NUMBL: variants seen among roughly 807,000 people sequenced by gnomAD.
The protein encoded by NUMBL is numb-like protein.
NUMBL carries 20 observed loss-of-function variants against 48.9 expected under a neutral mutation model. The ratio of observed to expected loss-of-function variants is 0.41; its 90% confidence interval spans 0.29 to 0.59. The LOEUF (loss-of-function observed/expected upper bound fraction) is 0.59, where lower values mean the gene tolerates loss of function less well. NUMBL is among the 20% of genes least tolerant of loss of function. The pLI, the probability that NUMBL is intolerant of heterozygous loss-of-function variation, is 0.31. For synonymous variants in NUMBL, 340 were observed against 348.7 expected (o/e 0.98, Z 0.28); for missense variants, 660 against 846.2 (o/e 0.78, Z 2.73).
chr19:40,689,082 T>C (rs1382669934), intron 1 of NUMBL, among the ~76,000 whole-genome samples: 2 of 152,038 alleles, frequency 1.3e-5, no homozygotes, highest in Non-Finnish European at 2.9e-5. Flanking sequence ...ACTATAAACA[T>C]TGTCAGTCAC....
intron 8 of NUMBL, among the ~76,000 whole-genome samples, chr19:40,670,741 C>T (rs992311829): frequency 2.0e-5 from 3 of 152,132 alleles, no homozygotes; most frequent in Admixed American, 6.6e-5. Context: ...CAGCCAATGT[C>T]GACAATGATT....
In NUMBL at chr19:40,667,619, G is replaced by T; in HGVS notation, c.1679C>A (p.Ala560Asp). 1 of 1,554,728 alleles carries T rather than the reference G, an allele frequency of 6.4e-7. No individual in the cohort carries two copies. The highest frequency in any genetic ancestry group is 8.7e-7 in the Non-Finnish European group (1 of 1,149,360). Reference protein sequence around the residue: ...GSQARPRPNGAPWPPEPAPAP... With the variant: ...GSQARPRPNGDPWPPEPAPAP... ...AGGCGCTGGCTCAGGGGGCCAGGGG[G>T]CCCCATTGGGGCGAGGGCGGGCCTG... is the stretch of plus-strand genomic sequence containing the variant. The change falls in exon 10 of 10, where the codon GCC becomes GAC. Residue 560 changes from alanine to aspartate, a missense_variant. Coordinates refer to ENST00000252891, the MANE Select transcript of NUMBL (RefSeq NM_004756.5). This position sits in a 1 kb window ranked among gnomAD's most constrained non-coding sequence, Gnocchi z 6.1.
At chr19:40,680,217 C>T (rs528511311) in intron 6 of NUMBL, among the ~76,000 whole-genome samples, 20 of 151,876 alleles carry the variant, frequency 1.3e-4, no homozygotes, top group Non-Finnish European at 2.5e-4. Context: ...CTGCAACCTC[C>T]GTCTCCAGGG....
intron 8 of NUMBL, 48 bp from the exon 9 acceptor site, chr19:40,670,068 C>A: frequency 6.3e-7 from 1 of 1,591,838 alleles, no homozygotes; most frequent in Non-Finnish European, 8.6e-7. Context: ...CCAGACCCTG[C>A]CGCAGCCCCG....
chr19:40,677,968 A>C (rs1599907841), intron 6 of NUMBL, among the ~76,000 whole-genome samples: 1 of 152,158 alleles, frequency 6.6e-6, no homozygotes, highest in African/African-American at 2.4e-5. Context: ...ACATGGGTGT[A>C]TGCAGTTGTC....
At chr19:40,675,020 G>A (rs2081867219) in intron 7 of NUMBL, among the ~76,000 whole-genome samples, 1 of 151,936 alleles carries the variant, frequency 6.6e-6, no homozygotes, top group Non-Finnish European at 1.5e-5. Context: ...GCACACGCCT[G>A]GGATTCCAGC....
At chr19:40,670,814 C>T (rs750824293) in intron 8 of NUMBL, among the ~76,000 whole-genome samples, 20 of 152,096 alleles carry the variant, frequency 1.3e-4, no homozygotes, top group Middle Eastern at 3.4e-3. Context: ...GGGTGTGTGG[C>T]GTCCTGATGC....
rs1464983014 is a variant in NUMBL at position 40,666,901 on chromosome 19, GC to G, written c.*566del. On this transcript the variant is annotated 3_prime_UTR_variant, in exon 10 of 10. Transcript: ENST00000252891. ...CTCCTGGGCCCCCAACTTGGCCCTA[GC>G]CCCCATGAGACCTTGGCCCAAGGAA... is the stretch of plus-strand genomic sequence containing the variant. 2 of 154,524 alleles carry G rather than the reference GC, an allele frequency of 1.3e-5. No homozygotes were observed. The highest frequency in any genetic ancestry group is 2.4e-5 in the African/African-American group (1 of 41,454). The allele number at this position is 154,524 out of a possible 1,614,324, so 9.6% of individuals were successfully genotyped here.
intron 6 of NUMBL, among the ~76,000 whole-genome samples, chr19:40,680,467 G>C (rs1457703832): frequency 1.4e-5 from 2 of 141,500 alleles, no homozygotes; most frequent in Non-Finnish European, 3.0e-5. Context: ...TTTTTTTTTT[G>C]AGATGGAGTC....
chr19:40,682,702 G>A lies in NUMBL; in HGVS notation c.399+26C>T. On this transcript the variant is annotated intron_variant, in intron 5 of 9. Coordinates refer to ENST00000252891, the MANE Select transcript of NUMBL (RefSeq NM_004756.5). The surrounding 1 kb of genome is among the most constrained non-coding windows in gnomAD (Gnocchi z 4.0). Reference sequence around the variant, plus strand: ...AGCAGGGTGAGCAGACAGGCCCCCTGGCGTCCACCCCCACAGGCCTCCTAC... The same window carrying A: ...AGCAGGGTGAGCAGACAGGCCCCCTAGCGTCCACCCCCACAGGCCTCCTAC... 6.2e-7 allele frequency: 1 copy of A among 1,610,426 alleles called. No individual in the cohort carries two copies. Among genetic ancestry groups the A allele is most frequent in the Non-Finnish European group, 8.5e-7 (1 of 1,177,576 alleles).
At chr19:40,672,693 G>T (rs1392899278) in intron 8 of NUMBL, among the ~76,000 whole-genome samples, 1 of 152,210 alleles carries the variant, frequency 6.6e-6, no homozygotes, top group Non-Finnish European at 1.5e-5. Context: ...AACCGATCAT[G>T]ATGTGTGCCA....
chr19:40,682,987 G>A lies in NUMBL; in HGVS notation c.250-19C>T, dbSNP rs766626918. On this transcript the variant is annotated intron_variant, in intron 3 of 9. Coordinates refer to ENST00000252891, the MANE Select transcript of NUMBL (RefSeq NM_004756.5). The surrounding 1 kb of genome is among the most constrained non-coding windows in gnomAD (Gnocchi z 4.0). ...CCAGGTACTTGGGTTGGAGGGAATGGGGGGGGGGACATGAAACAGCACAGT... is the reference window on the plus strand; with the variant it reads ...CCAGGTACTTGGGTTGGAGGGAATGAGGGGGGGGACATGAAACAGCACAGT... The A allele has an allele frequency of 1.9e-6, 3 of 1,602,128 alleles. No individual in the cohort carries two copies. The highest frequency in any genetic ancestry group is 1.7e-4 in the Middle Eastern group (1 of 6,042).
intron 9 of NUMBL, among the ~76,000 whole-genome samples, chr19:40,668,428 T>C (rs2081828620): frequency 6.6e-6 from 1 of 152,178 alleles, no homozygotes; most frequent in Non-Finnish European, 1.5e-5. Context: ...CCACTACCCT[T>C]CTGACTGGTC....
At position 40,667,885 on chromosome 19, in the gene NUMBL, G is replaced by A. The variant is rs768515850; in HGVS notation, c.1413C>T (p.Asp471=). The part of the protein sequence containing the change: ...QPFPAPVGPF[D]AAPAQVAVFL... ...ACACGGCCACTTGGGCAGGTGCAGC[G>A]TCAAAGGGCCCCACGGGGGCGGGGA... The change falls in exon 10 of 10, where the codon GAC becomes GAT. Residue 471 remains aspartate, a synonymous_variant. Coordinates refer to ENST00000252891, the MANE Select transcript of NUMBL (RefSeq NM_004756.5). The surrounding 1 kb of genome is among the most constrained non-coding windows in gnomAD (Gnocchi z 6.1). The A allele has an allele frequency of 6.7e-5, 106 of 1,584,736 alleles. No individual in the cohort carries two copies. Among genetic ancestry groups the A allele is most frequent in the South Asian group, 1.5e-4 (13 of 87,190 alleles).
At chr19:40,685,856 T>TAA (rs1262092422) in intron 2 of NUMBL, 3 of 153,234 alleles carry the variant, frequency 2.0e-5, no homozygotes, top group African/African-American at 7.2e-5. Flanking sequence ...GCTGTTGCCT[T>TAA]AGAGTGTGGG....
At position 40,682,668 on chromosome 19, in the gene NUMBL, CCT is replaced by C; in HGVS notation, c.399+58_399+59del. On this transcript the variant is annotated intron_variant, in intron 5 of 9. Transcript: ENST00000252891. This position sits in a 1 kb window ranked among gnomAD's most constrained non-coding sequence, Gnocchi z 4.0. ...GAGGAGGCGGGAAGGTGTCCTCCGCCCTGATTCCAGCAGGGTGAGCAGACAGG... is the reference window on the plus strand; with the variant it reads ...GAGGAGGCGGGAAGGTGTCCTCCGCCGATTCCAGCAGGGTGAGCAGACAGG... 1.3e-6 allele frequency: 2 copies of C among 1,552,686 alleles called. No individual in the cohort carries two copies. Among genetic ancestry groups the C allele is most frequent in the South Asian group, 1.1e-5 (1 of 87,188 alleles).
Position 40,667,236 on chromosome 19 carries a change from G to A in NUMBL, c.*232C>T, listed in dbSNP as rs150845309. ...AAGGGGGCATTGCCAGCCTAAGTCC[G>A]GCAGTGAAATGGTTCCCTTAGCCAG... On this transcript the variant is annotated 3_prime_UTR_variant, in exon 10 of 10. Transcript: ENST00000252891. This position sits in a 1 kb window ranked among gnomAD's most constrained non-coding sequence, Gnocchi z 6.1. The A allele has an allele frequency of 3.5e-3, 2,054 of 581,238 alleles. 4 individuals carry two copies. The highest frequency in any genetic ancestry group is 4.7e-3 in the Non-Finnish European group (1,587 of 336,898). The allele number at this position is 581,238 out of a possible 1,614,324, so 36.0% of individuals were successfully genotyped here.
chr19:40,679,024 G>A (rs1568429832), intron 6 of NUMBL, among the ~76,000 whole-genome samples: 1 of 152,178 alleles, frequency 6.6e-6, no homozygotes, highest in South Asian at 2.1e-4. Context: ...GTTGGAGGCG[G>A]AGGTTTCAGT....
chr19:40,683,035 C>T (rs993748214), intron 3 of NUMBL, 67 bp from the exon 4 acceptor site: 1 of 1,353,676 alleles, frequency 7.4e-7, no homozygotes, highest in Non-Finnish European at 1.1e-6. Flanking sequence ...TCAGTGTCCA[C>T]TGAGCATCTG....
Sources: allele counts gnomAD v4.1 joint callset (sites outside exome capture counted in the v4.1 genomes callset), GRCh38; gene constraint gnomAD v4.1.1; non-coding constraint Gnocchi (gnomAD v3.1); transcripts MANE v1.5; gene names NCBI Gene and HGNC (gene_info 2026-07-23, HGNC 2026-07-21).